Variants in OR8H1 observed in about 807,000 individuals in gnomAD.
The protein encoded by OR8H1 is olfactory receptor family 8 subfamily H member 1.
For synonymous variants in OR8H1, 135 were observed against 134.5 expected, an observed-to-expected ratio of 1.00 and a Z score of -0.03; for missense variants, 388 against 374.1, an observed-to-expected ratio of 1.04 and a Z score of -0.31.
In OR8H1 at chr11:56,289,946, AT is replaced by A; in HGVS notation, c.*180del. The A allele has an allele frequency of 1.5e-6, 1 of 672,566 alleles. No homozygotes were observed. Among genetic ancestry groups the A allele is most frequent in the South Asian group, 1.7e-5 (1 of 59,204 alleles). 41.7% of individuals were successfully genotyped at this position (672,566 alleles called of 1,614,324 possible). On this transcript the variant is annotated 3_prime_UTR_variant, in exon 2 of 2. Coordinates refer to ENST00000641600, the MANE Select transcript of OR8H1 (RefSeq NM_001005199.2). ...ACACATATTATGATTTCTAATTACA[AT>A]CTGGATTTCTGAAAACATACACCTT...
Position 56,290,666 on chromosome 11 carries a change from C to G in OR8H1, c.397G>C (p.Val133Leu), listed in dbSNP as rs776470125. ...CAACACAGCCTTTTGGACATAATAA[C>G]TGGGTAACGTAGAGGACTGCAGATA... ...VAICSPLRYP[V>L]IMSKRLCCAL... Residue 133 changes from valine (V) to leucine (L), a missense_variant, in exon 2 of 2, where the codon GTT (valine) becomes CTT (leucine). Coordinates refer to ENST00000641600, the MANE Select transcript of OR8H1 (RefSeq NM_001005199.2). The G allele has an allele frequency of 1.2e-6, 2 of 1,613,964 alleles. No individual in the cohort carries two copies. The highest frequency in any genetic ancestry group is 1.7e-5 in the Admixed American group (1 of 59,964).
In OR8H1 at chr11:56,288,868, TAAAG is replaced by T. The variant is rs1246794378; in HGVS notation, c.*1255_*1258del. On this transcript the variant is annotated 3_prime_UTR_variant, in exon 2 of 2. Coordinates refer to ENST00000641600, the MANE Select transcript of OR8H1 (RefSeq NM_001005199.2). ...ACTGAAAACAAGTTTATTAGAAAAA[TAAAG>T]AAACAAAAGAATGGCTATGCCATAA... The T allele has an allele frequency of 1.3e-5, 2 of 152,074 alleles. No homozygotes were observed. Among genetic ancestry groups the T allele is most frequent in the East Asian group, 3.9e-4 (2 of 5,188 alleles). 9.4% of individuals were successfully genotyped at this position (152,074 alleles called of 1,614,324 possible). A position where few individuals can be genotyped will look rare whatever the true frequency, so the allele number is the denominator to read the frequency against.
At position 56,290,563 on chromosome 11, in the gene OR8H1, A is replaced by G; in HGVS notation, c.500T>C (p.Phe167Ser). ...GTGACGAACTACATTTGAGTCGCAGAAATGCAGTCTGCTCATCCAAACCAC... is the reference window on the plus strand; with the variant it reads ...GTGACGAACTACATTTGAGTCGCAGGAATGCAGTCTGCTCATCCAAACCAC... ...VNVVWMSRLH[F>S]CDSNVVRHFF... is the part of the protein sequence containing the mutation. Residue 167 changes from phenylalanine to serine, a missense_variant, in exon 2 of 2, where the codon TTC becomes TCC. Physicochemically the swap from Phe to Ser is radical, Grantham distance 155. Transcript: ENST00000641600. The G allele has an allele frequency of 6.2e-7, 1 of 1,614,210 alleles. No homozygotes were observed. The highest frequency in any genetic ancestry group is 8.5e-7 in the Non-Finnish European group (1 of 1,180,030).
chr11:56,290,969 G>T lies in OR8H1; in HGVS notation c.94C>A (p.Leu32Ile), dbSNP rs202243190. 50 of 1,614,124 alleles carry T rather than the reference G, an allele frequency of 3.1e-5. No homozygotes were observed. The Admixed American group carries it at 4.8e-4, about 16-fold the overall frequency. The change falls in exon 2 of 2, where the codon CTC (leucine) becomes ATC (isoleucine). Residue 32 changes from leucine (L) to isoleucine (I), a missense_variant. Transcript: ENST00000641600. ...AGCATAGTAATTAGGTATATCAGGA[G>T]AAATAGTATAAAGAGGGCCATCTGG... ...EVQMALFILF[L>I]LIYLITMLGN...
At position 56,290,033 on chromosome 11, in the gene OR8H1, A is replaced by G; in HGVS notation, c.*94T>C. 1.0e-6 allele frequency: 1 copy of G among 1,000,804 alleles called. No individual in the cohort carries two copies. The highest frequency in any genetic ancestry group is 1.6e-6 in the Non-Finnish European group (1 of 622,394). The allele number at this position is 1,000,804 out of a possible 1,614,324, so 62.0% of individuals were successfully genotyped here. On this transcript the variant is annotated 3_prime_UTR_variant, in exon 2 of 2. Transcript: ENST00000641600. The stretch of plus-strand genomic sequence containing the variant: ...TAGCACAACAGAAATGCAAACATGA[A>G]GGATTCAATTGTTTTTATAGGGAGA...
At chr11:56,291,182 G>T in intron 1 of OR8H1, 98 bp from the exon 2 acceptor site, 2 of 709,904 alleles carry the variant, frequency 2.8e-6, no homozygotes, top group Non-Finnish European at 2.3e-6. Context: ...TCTATAAATT[G>T]CTAATACATT....
In OR8H1 at chr11:56,290,735, C is replaced by T. The variant is rs780986409; in HGVS notation, c.328G>A (p.Glu110Lys). ...MFFFVFLGAAECFLLSSMAYD... is the reference protein window; with the variant it reads ...MFFFVFLGAAKCFLLSSMAYD... Reference sequence around the variant, plus strand: ...GCCATTGATGAGAGAAGAAAACATTCAGCAGCTCCCAAGAAGACAAAAAAG... The same window carrying T: ...GCCATTGATGAGAGAAGAAAACATTTAGCAGCTCCCAAGAAGACAAAAAAG... Residue 110 changes from glutamate to lysine, a missense_variant, in exon 2 of 2, where the codon GAA becomes AAA. By Grantham distance (56) the Glu-to-Lys change is moderately conservative. Transcript: ENST00000641600. 1.2e-6 allele frequency: 2 copies of T among 1,614,110 alleles called. No homozygotes were observed. The highest frequency in any genetic ancestry group is 1.1e-5 in the South Asian group (1 of 91,074).
chr11:56,290,249 C>G lies in OR8H1; in HGVS notation c.814G>C (p.Val272Leu), dbSNP rs756531747. The G allele has an allele frequency of 6.2e-7, 1 of 1,613,214 alleles. No individual in the cohort carries two copies. ...RKSYSLGRDQ[V>L]ASVFYTIVIP... ...ACAATAGTATAAAAAACAGAAGCCA[C>G]TTGATCCCTTCCCAAAGAATAAGAC... The change falls in exon 2 of 2, where the codon GTG (valine) becomes CTG (leucine). Residue 272 changes from valine to leucine, a missense_variant. Coordinates refer to ENST00000641600, the MANE Select transcript of OR8H1 (RefSeq NM_001005199.2).
chr11:56,291,716 T>C, intron 1 of OR8H1, among the ~76,000 whole-genome samples: 1 of 152,230 alleles, frequency 6.6e-6, no homozygotes, highest in South Asian at 2.1e-4. Context: ...TTTATACAAA[T>C]ATGATGTTTT....
chr11:56,290,486 CGTAT>C lies in OR8H1; in HGVS notation c.573_576del (p.Tyr192ThrfsTer5), dbSNP rs755098535. 24 of 1,613,988 alleles carry C rather than the reference CGTAT, an allele frequency of 1.5e-5. No individual in the cohort carries two copies. In the South Asian group the frequency reaches 2.3e-4, roughly 16 times the overall value. ...AAAATGTGTATCATGATTTCAATGT[CGTAT>C]GTGTCCATGCAGGACAGAGCTAAAA... On this transcript the variant is annotated frameshift_variant, in exon 2 of 2. Transcript: ENST00000641600. LOFTEE classifies it low-confidence loss of function (END_TRUNC).
At chr11:56,291,742 C>G (rs1173541069) in intron 1 of OR8H1, among the ~76,000 whole-genome samples, 1 of 152,016 alleles carries the variant, frequency 6.6e-6, no homozygotes, top group African/African-American at 2.4e-5. Context: ...CTTAACCAAT[C>G]AAAATCAAAT....
At chr11:56,291,676 T>C (rs747785770) in intron 1 of OR8H1, among the ~76,000 whole-genome samples, 2 of 152,138 alleles carry the variant, frequency 1.3e-5, no homozygotes, top group African/African-American at 2.4e-5. Flanking sequence ...GCAGGATACA[T>C]TAAAATTATA....
At position 56,292,101 on chromosome 11, in the gene OR8H1, G is replaced by A. The variant is rs1264626482; in HGVS notation, c.-173C>T. On this transcript the variant is annotated 5_prime_UTR_variant, in exon 1 of 2. Coordinates refer to ENST00000641600, the MANE Select transcript of OR8H1 (RefSeq NM_001005199.2). ...ATAATATTTGTTTTCCTTGAGATAA[G>A]TTGTTTTTACATTTTTGTGCATTCA... 6.6e-6 allele frequency: 1 copy of A among 152,110 alleles called. No homozygotes were observed. Among genetic ancestry groups the A allele is most frequent in the East Asian group, 1.9e-4 (1 of 5,192 alleles). 9.4% of individuals were successfully genotyped at this position (152,110 alleles called of 1,614,324 possible).
Position 56,291,035 on chromosome 11 carries a change from G to T in OR8H1, c.28C>A (p.Pro10Thr). 1 of 1,601,466 alleles carries T rather than the reference G, an allele frequency of 6.2e-7. No individual in the cohort carries two copies. Among genetic ancestry groups the T allele is most frequent in the Non-Finnish European group, 8.5e-7 (1 of 1,174,754 alleles). Residue 10 changes from proline to threonine, a missense_variant, in exon 2 of 2, where the codon CCT (proline) becomes ACT (threonine). Transcript: ENST00000641600. MGRRNNTNV[P>T]DFILTGLSDS... ...GACAGTCCCGTAAGGATGAAGTCAG[G>T]CACATTTGTGTTATTTCTTCTACCC...
rs752452695 is a variant in OR8H1 at position 56,290,073 on chromosome 11, A to G, written c.*54T>C. ...TTATAGGGAGACCAAGGACATACCA[A>G]ATAGAAAAGAAAGAAAAGATGAGTT... On this transcript the variant is annotated 3_prime_UTR_variant, in exon 2 of 2. Coordinates refer to ENST00000641600, the MANE Select transcript of OR8H1 (RefSeq NM_001005199.2). The G allele has an allele frequency of 1.4e-6, 2 of 1,397,504 alleles. No individual in the cohort carries two copies. Among genetic ancestry groups the G allele is most frequent in the East Asian group, 2.3e-5 (1 of 43,832 alleles). 86.6% of individuals were successfully genotyped at this position (1,397,504 alleles called of 1,614,324 possible).
rs1045523971 is a variant in OR8H1 at position 56,289,297 on chromosome 11, A to G, written c.*830T>C. 3.3e-5 allele frequency: 5 copies of G among 152,288 alleles called. No individual in the cohort carries two copies. Among genetic ancestry groups the G allele is most frequent in the African/African-American group, 1.2e-4 (5 of 41,570 alleles). 9.4% of individuals were successfully genotyped at this position (152,288 alleles called of 1,614,324 possible). On this transcript the variant is annotated 3_prime_UTR_variant, in exon 2 of 2. Transcript: ENST00000641600. Reference sequence around the variant, plus strand: ...AAGAGAGTTTTAAATTTTAGGTAACATATTCTGGGTTGTATAGCTGAAAAT... The same window carrying G: ...AAGAGAGTTTTAAATTTTAGGTAACGTATTCTGGGTTGTATAGCTGAAAAT...
At position 56,290,662 on chromosome 11, in the gene OR8H1, A is replaced by G. The variant is rs771533131; in HGVS notation, c.401T>C (p.Ile134Thr). The G allele has an allele frequency of 6.2e-7, 1 of 1,614,104 alleles. No individual in the cohort carries two copies. Among genetic ancestry groups the G allele is most frequent in the Non-Finnish European group, 8.5e-7 (1 of 1,180,016 alleles). Residue 134 changes from isoleucine to threonine, a missense_variant, in exon 2 of 2, where the codon ATT becomes ACT. Coordinates refer to ENST00000641600, the MANE Select transcript of OR8H1 (RefSeq NM_001005199.2). Reference protein sequence around the residue: ...AICSPLRYPVIMSKRLCCALV... With the variant: ...AICSPLRYPVTMSKRLCCALV... ...AGCGCAACACAGCCTTTTGGACATA[A>G]TAACTGGGTAACGTAGAGGACTGCA...
chr11:56,291,892 A>G (rs1413294785), intron 1 of OR8H1, 59 bp downstream of exon 1: 1 of 152,154 alleles, frequency 6.6e-6, no homozygotes, highest in Non-Finnish European at 1.5e-5. Context: ...TTCTTATGAT[A>G]AAGTCCTGAA....
chr11:56,291,559 G>A (rs1180313904), intron 1 of OR8H1, among the ~76,000 whole-genome samples: 2 of 152,142 alleles, frequency 1.3e-5, no homozygotes, highest in Admixed American at 1.3e-4. Context: ...AGCTAAACAT[G>A]TAATAAACAA....
Sources: gnomAD v4.1 joint callset for allele counts (sites outside exome capture counted in the v4.1 genomes callset) on GRCh38, gnomAD v4.1.1 for gene constraint, MANE v1.5 for transcripts, NCBI Gene and HGNC (gene_info 2026-07-23, HGNC 2026-07-21) for gene names.